The following CALCRL variants were observed in gnomAD, a reference collection of about 807,000 sequenced individuals.
CALCRL encodes calcitonin gene-related peptide type 1 receptor.
In CALCRL, 27 loss-of-function variants were observed where a neutral mutation model predicts 60.4. The observed-to-expected ratio is 0.45, with a 90% CI of 0.33 to 0.62. The LOEUF (loss-of-function observed/expected upper bound fraction) is 0.62, where lower values mean the gene tolerates loss of function less well. Among genes scored for constraint, CALCRL ranks in the 20% least tolerant of loss-of-function variants. CALCRL has a pLI of 0.03. For missense variants in CALCRL, 424 were observed against 540.7 expected (o/e 0.78, Z 2.14); for synonymous variants, 190 against 182.6 (o/e 1.04, Z -0.33).
At chr2:187,409,576 G>A (rs1220644828) in intron 1 of CALCRL, among the ~76,000 whole-genome samples, 2 of 152,180 alleles carry the variant, frequency 1.3e-5, no homozygotes, top group Admixed American at 6.5e-5. Context: ...TGCTTATTGA[G>A]CCACTGGTAT....
chr2:187,383,411 A>T lies in CALCRL; in HGVS notation c.52-106T>A, dbSNP rs1056232189. ...TAGAAAACAGCAAGTGCGGTGATGT[A>T]CTGGAAGATAAACTGGCGCTCTAGG... is the stretch of plus-strand genomic sequence containing the variant. On this transcript the variant is annotated intron_variant, in intron 4 of 14. Transcript: ENST00000392370. 4.5e-5 allele frequency: 39 copies of T among 870,274 alleles called. No homozygotes were observed. In the Middle Eastern group the frequency reaches 7.7e-4, roughly 17 times the overall value. The allele number at this position is 870,274 out of a possible 1,614,324, so 53.9% of individuals were successfully genotyped here.
At chr2:187,347,696 A>C (rs72900687) in intron 14 of CALCRL, among the ~76,000 whole-genome samples, 7,608 of 151,728 alleles carry the variant, frequency 0.05, 271 homozygotes, top group Non-Finnish European at 0.076. Context: ...TCTATAGAAA[A>C]TAGGTGTTCC....
intron 12 of CALCRL, among the ~76,000 whole-genome samples, chr2:187,356,067 A>G (rs1434548974): frequency 6.6e-6 from 1 of 152,214 alleles, no homozygotes; most frequent in African/African-American, 2.4e-5. Flanking sequence ...GAAAATGGCC[A>G]TACTACCCAA....
At chr2:187,435,930 C>T (rs186309287) in intron 1 of CALCRL, among the ~76,000 whole-genome samples, 1 of 150,176 alleles carries the variant, frequency 6.7e-6, no homozygotes, top group Admixed American at 6.7e-5. Context: ...AAAGCGTCTA[C>T]AAATTTGTAA....
At chr2:187,351,815 A>G in intron 14 of CALCRL, 105 bp downstream of exon 14, 2 of 718,694 alleles carry the variant, frequency 2.8e-6, no homozygotes, top group Non-Finnish European at 4.6e-6. Flanking sequence ...AGAATTTAAC[A>G]TGGTTGTTCC....
At chr2:187,352,429 T>G (rs1252029750) in intron 12 of CALCRL, 97 bp from the exon 13 acceptor site, 1 of 703,716 alleles carries the variant, frequency 1.4e-6, no homozygotes, top group Non-Finnish European at 2.4e-6. Flanking sequence ...TTAAAATATT[T>G]TTAATGTACA....
chr2:187,424,180 T>C (rs1356639930), intron 1 of CALCRL, among the ~76,000 whole-genome samples: 2 of 152,062 alleles, frequency 1.3e-5, no homozygotes, highest in Non-Finnish European at 2.9e-5. Flanking sequence ...AGTTAACTAA[T>C]GGTTGGCAGG....
intron 1 of CALCRL, among the ~76,000 whole-genome samples, chr2:187,411,274 T>G (rs1483005238): frequency 6.6e-6 from 1 of 152,166 alleles, no homozygotes; most frequent in Non-Finnish European, 1.5e-5. Context: ...TATCTCTATA[T>G]AACTATAAAT....
Position 187,344,805 on chromosome 2 carries a change from AAGTC to A in CALCRL, c.*1375_*1378del, listed in dbSNP as rs1245321015. 6.6e-6 allele frequency: 1 copy of A among 151,692 alleles called. No individual in the cohort carries two copies. Among genetic ancestry groups the A allele is most frequent in the Admixed American group, 6.6e-5 (1 of 15,182 alleles). The allele number at this position is 151,692 out of a possible 1,614,324, so 9.4% of individuals were successfully genotyped here. ...AAAGCTATATATCTTCACATAGTAA[AAGTC>A]AGTAAAGTAATATTTTAATGGGGTA... is the stretch of plus-strand genomic sequence containing the variant. On this transcript the variant is annotated 3_prime_UTR_variant, in exon 15 of 15. Coordinates refer to ENST00000392370, the MANE Select transcript of CALCRL (RefSeq NM_005795.6).
At chr2:187,408,223 C>T (rs1396803292) in intron 1 of CALCRL, among the ~76,000 whole-genome samples, 1 of 151,844 alleles carries the variant, frequency 6.6e-6, no homozygotes. Context: ...TTCAGATATA[C>T]GTGAAACAAA....
rs1686177141 is a variant in CALCRL at position 187,343,846 on chromosome 2, A to G, written c.*2338T>C. On this transcript the variant is annotated 3_prime_UTR_variant, in exon 15 of 15. Coordinates refer to ENST00000392370, the MANE Select transcript of CALCRL (RefSeq NM_005795.6). ...ACTATTCTAAAAATATATGGGTACAAAACTAACAGTGATTAATCATGAATG... is the reference window on the plus strand; with the variant it reads ...ACTATTCTAAAAATATATGGGTACAGAACTAACAGTGATTAATCATGAATG... 6.6e-6 allele frequency: 1 copy of G among 151,650 alleles called. No homozygotes were observed. The highest frequency in any genetic ancestry group is 6.6e-5 in the Admixed American group (1 of 15,186). The allele number at this position is 151,650 out of a possible 1,614,324, so 9.4% of individuals were successfully genotyped here.
intron 1 of CALCRL, among the ~76,000 whole-genome samples, chr2:187,426,745 G>C (rs1690151447): frequency 6.6e-6 from 1 of 151,826 alleles, no homozygotes; most frequent in African/African-American, 2.4e-5. Flanking sequence ...TACCTATGAG[G>C]GACCTGAAGC....
intron 8 of CALCRL, among the ~76,000 whole-genome samples, chr2:187,373,855 C>A (rs916943849): frequency 2.0e-5 from 3 of 152,162 alleles, no homozygotes; most frequent in Non-Finnish European, 4.4e-5. Flanking sequence ...GAGACCAATA[C>A]TGCCTGTCTG....
intron 8 of CALCRL, among the ~76,000 whole-genome samples, chr2:187,378,026 A>G: frequency 6.6e-6 from 1 of 151,548 alleles, no homozygotes. Flanking sequence ...GGAATAAGAG[A>G]AGAGGAGGAG....
chr2:187,444,274 G>A (rs1358512624), intron 1 of CALCRL, among the ~76,000 whole-genome samples: 1 of 151,514 alleles, frequency 6.6e-6, no homozygotes, highest in Non-Finnish European at 1.5e-5. Context: ...AGGGAAATAA[G>A]ATTTGTCTGA....
chr2:187,413,995 C>A (rs2105854666), intron 1 of CALCRL, among the ~76,000 whole-genome samples: 1 of 152,086 alleles, frequency 6.6e-6, no homozygotes, highest in East Asian at 1.9e-4. Flanking sequence ...TATTATATTT[C>A]ATTTTATATC....
At chr2:187,396,707 A>C (rs1422451905) in intron 1 of CALCRL, among the ~76,000 whole-genome samples, 1 of 151,772 alleles carries the variant, frequency 6.6e-6, no homozygotes, top group Non-Finnish European at 1.5e-5. Context: ...TCTCATGAAA[A>C]CTTCTAGAAA....
chr2:187,442,029 A>G (rs1369873448), intron 1 of CALCRL: 1 of 145,868 alleles, frequency 6.9e-6, no homozygotes, highest in African/African-American at 2.5e-5. Flanking sequence ...TCTGTTCCTT[A>G]CTCCTTGATC....
intron 1 of CALCRL, among the ~76,000 whole-genome samples, chr2:187,424,326 C>A (rs1020040946): frequency 6.6e-6 from 1 of 151,960 alleles, no homozygotes; most frequent in Non-Finnish European, 1.5e-5. Context: ...TGTGAGCTAT[C>A]TACAGCAATG....
Sources: gnomAD v4.1 joint callset for allele counts (sites outside exome capture counted in the v4.1 genomes callset) on GRCh38, gnomAD v4.1.1 for gene constraint, MANE v1.5 for transcripts, NCBI Gene and HGNC (gene_info 2026-07-23, HGNC 2026-07-21) for gene names.